ICE2: variants seen among roughly 807,000 people sequenced by gnomAD.
ICE2 encodes the protein little elongation complex subunit 2.
In ICE2, 87 loss-of-function variants were observed where a neutral mutation model predicts 105.4. The ratio of observed to expected loss-of-function variants is 0.83; its 90% confidence interval spans 0.69 to 0.99. The LOEUF (loss-of-function observed/expected upper bound fraction) is 0.99, where lower values mean the gene tolerates loss of function less well. Among genes scored for constraint, ICE2 ranks in the 50% least tolerant of loss-of-function variants. The pLI is 0.00. For missense variants in ICE2, 1,323 were observed against 1,146.7 expected (o/e 1.15, Z -2.22); for synonymous variants, 399 against 392.0 (o/e 1.02, Z -0.21).
chr15:60,468,581 GTTT>G (rs1374330590), intron 3 of ICE2, among the ~76,000 whole-genome samples: 1 of 152,112 alleles, frequency 6.6e-6, no homozygotes, highest in Admixed American at 6.5e-5. Flanking sequence ...CAATTTAGAA[GTTT>G]TTTTCCCATT....
At chr15:60,461,474 ATTAAATGTGGAT>A (rs2064274880) in intron 5 of ICE2, among the ~76,000 whole-genome samples, 1 of 152,228 alleles carries the variant, frequency 6.6e-6, no homozygotes, top group Non-Finnish European at 1.5e-5. Flanking sequence ...TGTTTTAAAA[ATTAAATGTGGAT>A]TTAAAAGGGA....
In ICE2 at chr15:60,462,894, C is replaced by T. The variant is rs371529329; in HGVS notation, c.528+3700G>A. Among the ~76,000 whole-genome samples, 5 of 152,154 alleles carry T rather than the reference C, an allele frequency of 3.3e-5. No individual in the cohort carries two copies. The East Asian group carries it at 5.8e-4, about 18-fold the overall frequency. On this transcript the variant is annotated intron_variant, in intron 5 of 15. Coordinates refer to ENST00000261520, the MANE Select transcript of ICE2 (RefSeq NM_024611.6). ...GTTGAAGATACGCATACTCTATGAC[C>T]GAATAATTCCACTTATAGGTATACA...
rs1394423704 is a variant in ICE2, at chr15:60,420,824, G to A, written c.*2810C>T. ...TAAAGCAGTATAGTGTCTTCCACTAGAATGTGATCTCCTGAAAAAAAAAAT... is the reference window on the plus strand; with the variant it reads ...TAAAGCAGTATAGTGTCTTCCACTAAAATGTGATCTCCTGAAAAAAAAAAT... On this transcript the variant is annotated 3_prime_UTR_variant, in exon 16 of 16. Coordinates refer to ENST00000261520, the MANE Select transcript of ICE2 (RefSeq NM_024611.6). 1 of 151,952 alleles carries A rather than the reference G, an allele frequency of 6.6e-6. No individual in the cohort carries two copies. Among genetic ancestry groups the A allele is most frequent in the Non-Finnish European group, 1.5e-5 (1 of 68,010 alleles). The allele number at this position is 151,952 out of a possible 1,614,324, so 9.4% of individuals were successfully genotyped here. A position where few individuals can be genotyped will look rare whatever the true frequency, so the allele number is the denominator to read the frequency against.
rs181879325 is a variant in ICE2, at chr15:60,443,681, A to G, written c.2296-1136T>C. 4.5e-4 allele frequency among the ~76,000 whole-genome samples: 68 copies of G among 152,352 alleles called. No individual in the cohort carries two copies. The East Asian group carries it at 0.012, about 27-fold the overall frequency. On this transcript the variant is annotated intron_variant, in intron 11 of 15. Transcript: ENST00000261520. ...CCAGTGTGTCTTCTCAATTAAAAACAAAATTAAATGTGATTAGGATTTTAC... is the reference window on the plus strand; with the variant it reads ...CCAGTGTGTCTTCTCAATTAAAAACGAAATTAAATGTGATTAGGATTTTAC...
rs1192094228 is a variant in ICE2 at position 60,461,521 on chromosome 15, T to C, written c.529-4727A>G. Among the ~76,000 whole-genome samples, 4 of 152,152 alleles carry C rather than the reference T, an allele frequency of 2.6e-5. No individual in the cohort carries two copies. The East Asian group carries it at 7.7e-4, about 29-fold the overall frequency. ...AGGCTTTAGTATTTAATGGCTACTA[T>C]ATGATGCTCTAACAATAAAAACACA... On this transcript the variant is annotated intron_variant, in intron 5 of 15. Transcript: ENST00000261520.
intron 5 of ICE2, 105 bp from the exon 6 acceptor site, chr15:60,456,899 C>T: frequency 1.8e-6 from 1 of 540,672 alleles, no homozygotes; most frequent in South Asian, 3.3e-5. Flanking sequence ...CAAAAATTAG[C>T]CCGATTTCAT....
chr15:60,462,101 A>T (rs773593644), intron 5 of ICE2, among the ~76,000 whole-genome samples: 9 of 152,256 alleles, frequency 5.9e-5, no homozygotes, highest in Non-Finnish European at 1.2e-4. Context: ...AAAGGAAAGA[A>T]TCTAGTATTT....
At chr15:60,437,871 A>T (rs1401774473) in intron 12 of ICE2, 1 of 151,180 alleles carries the variant, frequency 6.6e-6, no homozygotes, top group Non-Finnish European at 1.5e-5. Flanking sequence ...CATGTTGGCC[A>T]GGCTGGTCTC....
chr15:60,451,595 T>G lies in ICE2; in HGVS notation c.1126-1754A>C, dbSNP rs992720699. The G allele has an allele frequency of 6.1e-6, 6 of 984,822 alleles. No individual in the cohort carries two copies. In the Admixed American group the frequency reaches 3.1e-4, roughly 50 times the overall value. The allele number at this position is 984,822 out of a possible 1,614,324, so 61.0% of individuals were successfully genotyped here. A position where few individuals can be genotyped will look rare whatever the true frequency, so the allele number is the denominator to read the frequency against. On this transcript the variant is annotated intron_variant, in intron 9 of 15. Coordinates refer to ENST00000261520, the MANE Select transcript of ICE2 (RefSeq NM_024611.6). ...ATTTGAGGCAAAAAAAGCATTATCA[T>G]CCTCTCATTTTTACTTACTTTTACC...
chr15:60,425,388 C>T (rs2063318854), intron 15 of ICE2, among the ~76,000 whole-genome samples: 1 of 152,086 alleles, frequency 6.6e-6, no homozygotes, highest in African/African-American at 2.4e-5. Flanking sequence ...GAAAAGCAAG[C>T]ATTTTGAAAA....
intron 12 of ICE2, chr15:60,441,887 C>T (rs2141034345): frequency 6.6e-6 from 1 of 152,238 alleles, no homozygotes; most frequent in Middle Eastern, 3.4e-3. Flanking sequence ...AAAGTAGTGT[C>T]ATTATAAGAA....
rs138437549 is a variant in ICE2 at position 60,442,792 on chromosome 15, AACATACCTCCCC to A, written c.2296-259_2296-248del. 7.5e-3 allele frequency: 2,211 copies of A among 293,068 alleles called. 43 individuals are homozygous for A. Among genetic ancestry groups the A allele is most frequent in the African/African-American group, 0.043 (1,958 of 45,586 alleles). The allele number at this position is 293,068 out of a possible 1,614,324, so 18.2% of individuals were successfully genotyped here. A position where few individuals can be genotyped will look rare whatever the true frequency, so the allele number is the denominator to read the frequency against. Reference sequence around the variant, plus strand: ...ACCATTCCCATTTGTGACCAAAATCAACATACCTCCCCACATAGGCAAGGTTTGATTTTGGTC... The same window carrying A: ...ACCATTCCCATTTGTGACCAAAATCAACATAGGCAAGGTTTGATTTTGGTC... On this transcript the variant is annotated intron_variant, in intron 11 of 15. Coordinates refer to ENST00000261520, the MANE Select transcript of ICE2 (RefSeq NM_024611.6).
chr15:60,449,128 A>G lies in ICE2; in HGVS notation c.1839T>C (p.Ala613=), dbSNP rs780277283. ...CAGTATTAGTCTGGTTTCCTACAGA[A>G]GCCTGTCCTGAGGAAGAATTTGGAC... is the stretch of plus-strand genomic sequence containing the variant. The part of the protein sequence containing the change: ...PASPNSSSGQ[A]SVGNQTNTAC... Residue 613 remains alanine, a synonymous_variant, in exon 10 of 16, where the codon GCT becomes GCC. Coordinates refer to ENST00000261520, the MANE Select transcript of ICE2 (RefSeq NM_024611.6). 6.2e-7 allele frequency: 1 copy of G among 1,614,072 alleles called. No homozygotes were observed. The highest frequency in any genetic ancestry group is 2.2e-5 in the East Asian group (1 of 44,870).
At chr15:60,449,872 A>G (rs1390555289) in intron 9 of ICE2, 31 bp from the exon 10 acceptor site, 8 of 1,540,404 alleles carry the variant, frequency 5.2e-6, no homozygotes, top group Non-Finnish European at 7.0e-6. Context: ...AAGTATTAGT[A>G]AAAATTTCAA....
At chr15:60,452,193 T>C (rs1566989833) in intron 9 of ICE2, 1 of 956,298 alleles carries the variant, frequency 1.0e-6, no homozygotes. Flanking sequence ...AAATGCTTTA[T>C]GACATATGTA....
chr15:60,427,977 C>T (rs1555407086), intron 15 of ICE2, among the ~76,000 whole-genome samples: 1 of 152,180 alleles, frequency 6.6e-6, no homozygotes, highest in Non-Finnish European at 1.5e-5. Flanking sequence ...ACTCTGTTCA[C>T]AAACTGCTAT....
Position 60,456,797 on chromosome 15 carries a change from G to A in ICE2, c.529-3C>T. ...TCAATGCAAGCTCTTAAAATTTTCT[G>A]AGAAACAGAAATTAAGAAAAATTCA... On this transcript the variant is annotated splice_region_variant and splice_polypyrimidine_tract_variant and intron_variant, in intron 5 of 15. Transcript: ENST00000261520. 2 of 1,462,036 alleles carry A rather than the reference G, an allele frequency of 1.4e-6. No individual in the cohort carries two copies. Among genetic ancestry groups the A allele is most frequent in the Non-Finnish European group, 9.1e-7 (1 of 1,099,608 alleles). 90.6% of individuals were successfully genotyped at this position (1,462,036 alleles called of 1,614,324 possible).
chr15:60,449,371 T>C lies in ICE2; in HGVS notation c.1596A>G (p.Ile532Met), dbSNP rs752789996. ...TTTCACCATCAGCATGTAATATATC[T>C]ATAGTCATATCATTTTTATTAGAAG... ...IETSNKNDMT[I>M]DILHADGERP... The change falls in exon 10 of 16, where the codon ATA (isoleucine) becomes ATG (methionine). Residue 532 changes from isoleucine to methionine, a missense_variant. Ile to Met is a conservative substitution (Grantham distance 10, BLOSUM62 1). Transcript: ENST00000261520. 1.9e-6 allele frequency: 3 copies of C among 1,612,952 alleles called. No individual in the cohort carries two copies. The African/African-American group carries it at 4.0e-5, about 22-fold the overall frequency.
intron 5 of ICE2, among the ~76,000 whole-genome samples, chr15:60,462,224 T>C (rs1023421030): frequency 6.6e-6 from 1 of 152,196 alleles, no homozygotes; most frequent in Non-Finnish European, 1.5e-5. Flanking sequence ...ATATTACAAC[T>C]GTGCAAACCA....
Sources: gnomAD v4.1 joint callset for allele counts (sites outside exome capture counted in the v4.1 genomes callset) on GRCh38, gnomAD v4.1.1 for gene constraint, MANE v1.5 for transcripts, NCBI Gene and HGNC (gene_info 2026-07-23, HGNC 2026-07-21) for gene names.